Variants in MACROD2 observed in about 807,000 individuals in gnomAD.
MACROD2 encodes the protein ADP-ribose glycohydrolase MACROD2.
MACROD2 carries 36 observed loss-of-function variants against 70.4 expected under a neutral mutation model. That is an observed-to-expected ratio of 0.51 (90% CI 0.39 to 0.68). The LOEUF (loss-of-function observed/expected upper bound fraction) is 0.68. Ranked by LOEUF, MACROD2 falls within the 30% of genes least tolerant of loss-of-function variation. The pLI is 0.00. For synonymous variants in MACROD2, 172 were observed against 178.8 expected, an observed-to-expected ratio of 0.96 and a Z score of 0.30; for missense variants, 496 against 538.4, an observed-to-expected ratio of 0.92 and a Z score of 0.78.
intron 6 of MACROD2, among the ~76,000 whole-genome samples, chr20:15,390,262 C>T (rs1175944639): frequency 1.3e-5 from 2 of 152,138 alleles, no homozygotes; most frequent in East Asian, 3.9e-4. Context: ...CATTAAGGTC[C>T]CAGGTCAATG....
chr20:14,079,471 G>A (rs2053960910), intron 2 of MACROD2, among the ~76,000 whole-genome samples: 1 of 152,150 alleles, frequency 6.6e-6, no homozygotes, highest in South Asian at 2.1e-4. Context: ...TATTTAAGGA[G>A]ACTTTTTTTC....
chr20:15,942,830 TAAA>T (rs2065768605), intron 12 of MACROD2, among the ~76,000 whole-genome samples: 2 of 152,192 alleles, frequency 1.3e-5, no homozygotes, highest in South Asian at 4.1e-4. Context: ...AAGTGCTGTT[TAAA>T]CTCGTCTTAA....
At chr20:14,342,055 G>A (rs1490623140) in intron 3 of MACROD2, among the ~76,000 whole-genome samples, 4 of 152,144 alleles carry the variant, frequency 2.6e-5, no homozygotes, top group African/African-American at 9.7e-5. Context: ...GGGGGTCACT[G>A]TTTCTCATTT....
chr20:15,087,596 A>C (rs1309342018), intron 5 of MACROD2, among the ~76,000 whole-genome samples: 1 of 152,046 alleles, frequency 6.6e-6, no homozygotes, highest in East Asian at 1.9e-4. Context: ...TTAAATATTT[A>C]AATGTAAAAC....
intron 3 of MACROD2, among the ~76,000 whole-genome samples, chr20:14,189,220 G>A (rs946806246): frequency 2.6e-5 from 4 of 151,954 alleles, no homozygotes; most frequent in African/African-American, 7.3e-5. Context: ...TTCCCAATAT[G>A]TGAAAGAAAA....
At chr20:14,176,446 T>TA (rs2081263935) in intron 3 of MACROD2, among the ~76,000 whole-genome samples, 1 of 152,206 alleles carries the variant, frequency 6.6e-6, no homozygotes, top group African/African-American at 2.4e-5. Flanking sequence ...CTGGAGTTGC[T>TA]AAAATGTGAC....
chr20:14,617,520 C>T (rs990416464), intron 4 of MACROD2, among the ~76,000 whole-genome samples: 2 of 152,128 alleles, frequency 1.3e-5, no homozygotes, highest in African/African-American at 4.8e-5. Flanking sequence ...ATGTGTGCCA[C>T]TCTCCTCTGT....
At position 14,518,291 on chromosome 20, in the gene MACROD2, A is replaced by G. The variant is rs570603581; in HGVS notation, c.301+24783A>G. On this transcript the variant is annotated intron_variant, in intron 4 of 17. Coordinates refer to ENST00000684519, the MANE Select transcript of MACROD2 (RefSeq NM_001351661.2). ...TATTTGAATCCAGCTACTGTATTTAATTATCTAACTAACTCAACTTCTTTC... is the reference window on the plus strand; with the variant it reads ...TATTTGAATCCAGCTACTGTATTTAGTTATCTAACTAACTCAACTTCTTTC... Among the ~76,000 whole-genome samples the G allele has an allele frequency of 7.2e-5, 11 of 152,218 alleles. No individual in the cohort carries two copies. In the East Asian group the frequency reaches 1.9e-3, roughly 27 times the overall value.
chr20:14,107,049 A>T (rs1161171366), intron 3 of MACROD2, among the ~76,000 whole-genome samples: 1 of 152,216 alleles, frequency 6.6e-6, no homozygotes, highest in Admixed American at 6.5e-5. Flanking sequence ...CAATGAACTT[A>T]AATAAGGTAG....
chr20:14,106,044 T>C (rs2054363564), intron 3 of MACROD2, among the ~76,000 whole-genome samples: 1 of 152,184 alleles, frequency 6.6e-6, no homozygotes, highest in African/African-American at 2.4e-5. Context: ...CATTTCCAGC[T>C]GTGGTGGCTA....
intron 5 of MACROD2, among the ~76,000 whole-genome samples, chr20:15,095,506 T>C (rs2075824179): frequency 6.6e-6 from 1 of 151,926 alleles, no homozygotes; most frequent in Admixed American, 6.6e-5. Flanking sequence ...TTTTGTTTTG[T>C]GTTTTTTGTT....
intron 8 of MACROD2, among the ~76,000 whole-genome samples, chr20:15,859,047 T>C (rs2064390221): frequency 6.6e-6 from 1 of 152,174 alleles, no homozygotes; most frequent in African/African-American, 2.4e-5. Context: ...ACATATTTTG[T>C]ATGTTATATG....
At chr20:15,294,859 C>A (rs993894493) in intron 6 of MACROD2, among the ~76,000 whole-genome samples, 1 of 152,118 alleles carries the variant, frequency 6.6e-6, no homozygotes, top group Non-Finnish European at 1.5e-5. Flanking sequence ...AGAAACAAAA[C>A]AAAACAAAAA....
chr20:15,354,026 T>C (rs1387575105), intron 6 of MACROD2, among the ~76,000 whole-genome samples: 2 of 148,810 alleles, frequency 1.3e-5, no homozygotes, highest in African/African-American at 5.0e-5. Context: ...TTATAAAACA[T>C]GCTGCTATAA....
intron 6 of MACROD2, among the ~76,000 whole-genome samples, chr20:15,403,442 C>G (rs572294738): frequency 2.2e-5 from 3 of 134,746 alleles, no homozygotes; most frequent in South Asian, 2.2e-4. Context: ...AGGAGGAGGA[C>G]GAGGAGGAGG....
At chr20:15,157,370 C>G (rs1485346978) in intron 5 of MACROD2, among the ~76,000 whole-genome samples, 2 of 30,180 alleles carry the variant, frequency 6.6e-5, no homozygotes, top group Admixed American at 3.0e-4. Flanking sequence ...CCTCCCCCCC[C>G]CCCGGCCACC....
At chr20:16,016,641 T>C (rs1023613455) in intron 15 of MACROD2, among the ~76,000 whole-genome samples, 4 of 152,218 alleles carry the variant, frequency 2.6e-5, no homozygotes, top group Non-Finnish European at 5.9e-5. Flanking sequence ...GTTCAAGCGA[T>C]GCTCCTGCCT....
chr20:14,429,461 G>A (rs2083970868), intron 3 of MACROD2, among the ~76,000 whole-genome samples: 1 of 152,170 alleles, frequency 6.6e-6, no homozygotes, highest in South Asian at 2.1e-4. Context: ...CTAATGGAAA[G>A]AGATCAAGTA....
At chr20:15,359,650 A>G (rs1350068716) in intron 6 of MACROD2, among the ~76,000 whole-genome samples, 2 of 152,040 alleles carry the variant, frequency 1.3e-5, no homozygotes, top group African/African-American at 4.8e-5. Context: ...GCTTTGGTAT[A>G]TATCTATCAT....
Sources: allele counts gnomAD v4.1 joint callset (sites outside exome capture counted in the v4.1 genomes callset), GRCh38; gene constraint gnomAD v4.1.1; transcripts MANE v1.5; gene names NCBI Gene and HGNC (gene_info 2026-07-23, HGNC 2026-07-21).